Variants in GRHL2 observed in about 807,000 individuals in gnomAD.
The protein encoded by GRHL2 is grainyhead like transcription factor 2, also known as grainyhead-like protein 2 homolog.
A neutral mutation model predicts 83.8 loss-of-function variants in GRHL2; 21 were observed. The ratio of observed to expected loss-of-function variants is 0.25; its 90% CI spans 0.18 to 0.36. GRHL2 has a LOEUF of 0.36. Among genes scored for constraint, GRHL2 ranks in the 10% least tolerant of loss-of-function variants. GRHL2 has a pLI of 1.00. For missense variants in GRHL2, 623 were observed against 781.8 expected, an observed-to-expected ratio of 0.80 and a Z score of 2.42; for synonymous variants, 280 against 278.9, an observed-to-expected ratio of 1.00 and a Z score of -0.04.
At chr8:101,637,070 T>G in intron 12 of GRHL2, 142 bp downstream of exon 12, 1 of 817,416 alleles carries the variant, frequency 1.2e-6, no homozygotes, top group Non-Finnish European at 2.2e-6. Context: ...CGCTTGATTC[T>G]GGGGACCATC....
Position 101,644,215 on chromosome 8 carries a change from G to A in GRHL2, c.1602G>A (p.Gly534=). ...CTTCAAAGCAGATGAAAGAAGAAGG[G>A]ACAAAGCGAGGTATCTCTCCTGCTG... ...PVPSKQMKEE[G]TKRVLLYVRK... Residue 534 remains glycine (G), a synonymous_variant, in exon 13 of 16, where the codon GGG becomes GGA. Transcript: ENST00000646743. 1 of 1,613,510 alleles carries A rather than the reference G, an allele frequency of 6.2e-7. No individual in the cohort carries two copies. Among genetic ancestry groups the A allele is most frequent in the South Asian group, 1.1e-5 (1 of 90,966 alleles).
intron 3 of GRHL2, among the ~76,000 whole-genome samples, chr8:101,558,058 G>A (rs1272533161): frequency 6.6e-6 from 1 of 152,102 alleles, no homozygotes; most frequent in East Asian, 1.9e-4. Flanking sequence ...GTTAGAGACG[G>A]GGTTTCACCA....
chr8:101,644,361 C>T, intron 13 of GRHL2, 136 bp downstream of exon 13: 1 of 702,618 alleles, frequency 1.4e-6, no homozygotes, highest in Non-Finnish European at 2.6e-6. Context: ...AGGAAGTCCA[C>T]AGTCTTCTTC....
At chr8:101,646,296 A>G (rs975397449) in intron 13 of GRHL2, among the ~76,000 whole-genome samples, 4 of 152,242 alleles carry the variant, frequency 2.6e-5, no homozygotes, top group Non-Finnish European at 5.9e-5. Context: ...ACGGAATCAC[A>G]CAGGCGAAAC....
chr8:101,532,491 C>T (rs184735158), intron 1 of GRHL2, among the ~76,000 whole-genome samples: 2 of 152,202 alleles, frequency 1.3e-5, no homozygotes, highest in East Asian at 3.9e-4. Context: ...GTGGCTCATG[C>T]CTGTTATCCC....
intron 8 of GRHL2, among the ~76,000 whole-genome samples, chr8:101,619,131 TAGTCCCAG>T (rs1310377665): frequency 2.0e-5 from 3 of 152,028 alleles, no homozygotes; most frequent in African/African-American, 7.2e-5. Context: ...CAGGCTCCTG[TAGTCCCAG>T]CTACTCGGGA....
intron 14 of GRHL2, among the ~76,000 whole-genome samples, chr8:101,652,329 TGGTGTGTGTGTATGTGTGTG>T (rs1813644758): frequency 8.5e-6 from 1 of 117,670 alleles, no homozygotes; most frequent in African/African-American, 4.1e-5. Flanking sequence ...CGTGTGTGTG[TGGTGTGTGTGTATGTGTGTG>T]GTGTGTGTGG....
intron 1 of GRHL2, among the ~76,000 whole-genome samples, chr8:101,522,800 T>C (rs2130052147): frequency 6.6e-6 from 1 of 151,528 alleles, no homozygotes; most frequent in Non-Finnish European, 1.5e-5. Flanking sequence ...TGAGTTGTTT[T>C]GGAATTGAAG....
intron 1 of GRHL2, among the ~76,000 whole-genome samples, chr8:101,521,838 G>A (rs1810691467): frequency 6.6e-6 from 1 of 152,180 alleles, no homozygotes; most frequent in South Asian, 2.1e-4. Context: ...GTGGTAATAA[G>A]CTGACTTGAA....
chr8:101,656,869 A>ACACACACACACACACACACAC (rs1813799855), intron 14 of GRHL2, among the ~76,000 whole-genome samples: 1 of 55,400 alleles, frequency 1.8e-5, no homozygotes, highest in African/African-American at 9.2e-5. Flanking sequence ...TTATGTGTCT[A>ACACACACACACACACACACAC]ACAGACACAC....
At chr8:101,500,266 T>A (rs1229597830) in intron 1 of GRHL2, among the ~76,000 whole-genome samples, 1 of 152,152 alleles carries the variant, frequency 6.6e-6, no homozygotes, top group Admixed American at 6.6e-5. Flanking sequence ...GGTGGGTTGC[T>A]TAGTAACAAC....
In GRHL2 at chr8:101,639,581, G is replaced by T. The variant is rs558663389; in HGVS notation, c.1517+2653G>T. On this transcript the variant is annotated intron_variant, in intron 12 of 15. Transcript: ENST00000646743. ...TGGCTTTTAGCCATGATGCTCTACT[G>T]TGTAACCCTCTTAATTCTTGACCTG... Among the ~76,000 whole-genome samples the T allele has an allele frequency of 1.6e-4, 24 of 152,332 alleles. No individual in the cohort carries two copies. In the South Asian group the frequency reaches 5.0e-3, roughly 32 times the overall value.
rs1441360766 is a variant in GRHL2 at position 101,668,871 on chromosome 8, C to CTCTT, written c.*2170_*2173dup. 3 of 152,248 alleles carry CTCTT rather than the reference C, an allele frequency of 2.0e-5. No individual in the cohort carries two copies. The highest frequency in any genetic ancestry group is 7.2e-5 in the African/African-American group (3 of 41,460). 9.4% of individuals were successfully genotyped at this position (152,248 alleles called of 1,614,324 possible). A position where few individuals can be genotyped will look rare whatever the true frequency, so the allele number is the denominator to read the frequency against. On this transcript the variant is annotated 3_prime_UTR_variant, in exon 16 of 16. Coordinates refer to ENST00000646743, the MANE Select transcript of GRHL2 (RefSeq NM_024915.4). ...GGCAACCTACCCCTCTCTCTCCAGC[C>CTCTT]TCTTTATGAAACTGTTTGTTTGCCA...
At position 101,492,637 on chromosome 8, in the gene GRHL2, A is replaced by G. The variant is rs759310397; in HGVS notation, c.-133A>G. 1.2e-6 allele frequency: 1 copy of G among 801,088 alleles called. No individual in the cohort carries two copies. The highest frequency in any genetic ancestry group is 2.3e-6 in the Non-Finnish European group (1 of 443,082). The allele number at this position is 801,088 out of a possible 1,614,324, so 49.6% of individuals were successfully genotyped here. Reference sequence around the variant, plus strand: ...CGAGAGTGGTGAGGGGGGACGGAAAAGCAGAATTACCTGTAGCTCTTGTTC... The same window carrying G: ...CGAGAGTGGTGAGGGGGGACGGAAAGGCAGAATTACCTGTAGCTCTTGTTC... On this transcript the variant is annotated 5_prime_UTR_variant, in exon 1 of 16. Transcript: ENST00000646743.
chr8:101,644,119 T>C lies in GRHL2; in HGVS notation c.1518-12T>C, dbSNP rs766979073. 1.2e-6 allele frequency: 2 copies of C among 1,612,408 alleles called. No individual in the cohort carries two copies. The highest frequency in any genetic ancestry group is 3.3e-5 in the Admixed American group (2 of 60,024). On this transcript the variant is annotated splice_polypyrimidine_tract_variant and intron_variant, in intron 12 of 15. Transcript: ENST00000646743. ...CTGGTTTTACTTAAGGATTTCTGCT[T>C]ATCTTTTCTAGTGGCAGTGTCCTTG...
chr8:101,616,695 C>T (rs1812864233), intron 8 of GRHL2, among the ~76,000 whole-genome samples: 1 of 152,164 alleles, frequency 6.6e-6, no homozygotes, highest in Non-Finnish European at 1.5e-5. Context: ...GTACACACAA[C>T]ACAGAGGACC....
intron 8 of GRHL2, among the ~76,000 whole-genome samples, chr8:101,614,690 T>G (rs1812819212): frequency 6.6e-6 from 1 of 152,242 alleles, no homozygotes; most frequent in African/African-American, 2.4e-5. Context: ...CTTTCACATT[T>G]GCCTGCTGTG....
At chr8:101,633,209 A>G (rs1168998904) in intron 11 of GRHL2, among the ~76,000 whole-genome samples, 2 of 152,180 alleles carry the variant, frequency 1.3e-5, no homozygotes, top group East Asian at 3.8e-4. Flanking sequence ...TTATGTGATA[A>G]ACAAAAAATT....
intron 1 of GRHL2, among the ~76,000 whole-genome samples, chr8:101,502,256 A>G (rs1810245067): frequency 6.6e-6 from 1 of 152,152 alleles, no homozygotes; most frequent in African/African-American, 2.4e-5. Context: ...ACCTGCTCCT[A>G]TATTCTGTGT....
Sources: allele counts gnomAD v4.1 joint callset (sites outside exome capture counted in the v4.1 genomes callset), GRCh38; gene constraint gnomAD v4.1.1; transcripts MANE v1.5; gene names NCBI Gene and HGNC (gene_info 2026-07-23, HGNC 2026-07-21).